The following SAXO1 variants were observed in gnomAD, a reference collection of about 807,000 sequenced individuals.
SAXO1 encodes the protein 4930500O09Rik.
Under a neutral mutation model 17.5 loss-of-function variants are expected in SAXO1, and 21 were observed. The observed-to-expected ratio is 1.20, with a 90% CI of 0.85 to 1.72. The LOEUF (loss-of-function observed/expected upper bound fraction) is 1.72. Among genes scored for constraint, SAXO1 ranks in the 40% most tolerant of loss-of-function variants. The probability of loss-of-function intolerance (pLI) is 0.00; values close to 1 mark genes in which losing one functional copy is unlikely to be tolerated. For synonymous variants in SAXO1, 274 were observed against 216.5 expected (o/e 1.27, Z -2.33); for missense variants, 843 against 596.0 (o/e 1.41, Z -4.32).
chr9:19,032,850 C>T (rs1319138408), intron 1 of SAXO1, 21 bp downstream of exon 1: 7 of 1,608,826 alleles, frequency 4.4e-6, no homozygotes, highest in Non-Finnish European at 5.1e-6. Flanking sequence ...CCCAGCCTTG[C>T]CCTGGGCGTG....
At chr9:18,973,991 C>T (rs1374247882) in intron 1 of SAXO1, among the ~76,000 whole-genome samples, 2 of 152,148 alleles carry the variant, frequency 1.3e-5, no homozygotes, top group Non-Finnish European at 2.9e-5. Flanking sequence ...TCTATCATGT[C>T]CCATCTTCCC....
intron 1 of SAXO1, chr9:19,027,804 C>A: frequency 6.6e-7 from 1 of 1,509,818 alleles, no homozygotes; most frequent in Non-Finnish European, 9.1e-7. Context: ...CAGCCCAACA[C>A]CCAAGTTAAG....
chr9:18,961,015 A>G (rs1832461277), intron 1 of SAXO1, among the ~76,000 whole-genome samples: 1 of 152,166 alleles, frequency 6.6e-6, no homozygotes, highest in African/African-American at 2.4e-5. Flanking sequence ...TGATTTTGTC[A>G]AAACTCAGCA....
intron 3 of SAXO1, among the ~76,000 whole-genome samples, chr9:18,934,049 AAATAATAAT>A (rs67844726): frequency 6.6e-6 from 1 of 151,604 alleles, no homozygotes; most frequent in African/African-American, 2.4e-5. Flanking sequence ...TCCGTCTCAA[AAATAATAAT>A]AATAATAATA....
At chr9:19,027,281 G>A in intron 1 of SAXO1, 1 of 925,366 alleles carries the variant, frequency 1.1e-6, no homozygotes, top group Non-Finnish European at 1.8e-6. Context: ...AAAAGCTAAA[G>A]CCAGGAGACC....
intron 1 of SAXO1, among the ~76,000 whole-genome samples, chr9:19,005,964 C>T (rs1001459093): frequency 3.9e-5 from 6 of 152,090 alleles, no homozygotes; most frequent in South Asian, 4.1e-4. Context: ...AAACAACCCA[C>T]CTTGAGTAGA....
Position 18,978,941 on chromosome 9 carries a change from G to A in SAXO1, c.39-28004C>T, listed in dbSNP as rs557925407. The stretch of plus-strand genomic sequence containing the variant: ...AAAGTTTACTCCAGTTGAAAAATAA[G>A]AAAGACTCCAAGGCCTCAGCATCTT... On this transcript the variant is annotated intron_variant, in intron 1 of 3. Coordinates refer to ENST00000380534, the MANE Select transcript of SAXO1 (RefSeq NM_153707.4). 3.0e-3 allele frequency among the ~76,000 whole-genome samples: 454 copies of A among 152,210 alleles called. 8 individuals are homozygous for A. In the South Asian group the frequency reaches 0.044, roughly 15 times the overall value.
At chr9:18,975,218 GCAGGGAGAGTGCAGGCTGGGGAA>G (rs1441982105) in intron 1 of SAXO1, among the ~76,000 whole-genome samples, 8 of 7,056 alleles carry the variant, frequency 1.1e-3, no homozygotes, top group African/African-American at 3.6e-3. Context: ...GGCTGGGGAA[GCAGGGAGAGTGCAGGCTGGGGAA>G]GCAGGGAGAG....
chr9:19,045,178 C>T (rs1354982194), intron 1 of SAXO1, among the ~76,000 whole-genome samples: 4 of 150,734 alleles, frequency 2.7e-5, no homozygotes, highest in Non-Finnish European at 5.9e-5. Context: ...GGCGCGGTGG[C>T]GGGCGCCTGT....
At chr9:19,016,798 C>A in intron 1 of SAXO1, among the ~76,000 whole-genome samples, 1 of 111,294 alleles carries the variant, frequency 9.0e-6, no homozygotes, top group African/African-American at 3.4e-5. Flanking sequence ...TAACATCTGA[C>A]TTTTTTTTTT....
intron 1 of SAXO1, among the ~76,000 whole-genome samples, chr9:18,975,226 A>G (rs74613595): frequency 2.9e-4 from 2 of 6,998 alleles, no homozygotes; most frequent in African/African-American, 1.1e-3. Flanking sequence ...AAGCAGGGAG[A>G]GTGCAGGCTG....
chr9:18,973,706 G>A (rs1237926698), intron 1 of SAXO1, among the ~76,000 whole-genome samples: 4 of 152,136 alleles, frequency 2.6e-5, no homozygotes, highest in Non-Finnish European at 5.9e-5. Context: ...CCTTTCCTCT[G>A]CAGATTTCCA....
At chr9:19,035,716 G>C (rs112531037), upstream of SAXO1, among the ~76,000 whole-genome samples, 1 of 152,222 alleles carries the variant, frequency 6.6e-6, no homozygotes, top group Non-Finnish European at 1.5e-5. Flanking sequence ...CTCAGATAGA[G>C]ATGAGGAACT....
chr9:19,033,829 G>T (rs967019568), upstream of SAXO1, among the ~76,000 whole-genome samples: 3 of 152,308 alleles, frequency 2.0e-5, no homozygotes, highest in Admixed American at 6.5e-5. Context: ...AGTGTTTCTA[G>T]GGTAGGCCAA....
At chr9:18,936,687 G>A (rs1208019634) in intron 3 of SAXO1, among the ~76,000 whole-genome samples, 1 of 152,034 alleles carries the variant, frequency 6.6e-6, no homozygotes, top group Non-Finnish European at 1.5e-5. Context: ...AGCCCTTCAG[G>A]GCCAGAGTGT....
chr9:19,012,478 G>A (rs1401329831), intron 1 of SAXO1, among the ~76,000 whole-genome samples: 2 of 152,328 alleles, frequency 1.3e-5, no homozygotes, highest in East Asian at 3.9e-4. Context: ...TCAACTTTGT[G>A]GTGTTGGTAT....
chr9:19,034,760 A>G (rs1835892451), upstream of SAXO1, among the ~76,000 whole-genome samples: 1 of 152,238 alleles, frequency 6.6e-6, no homozygotes, highest in Admixed American at 6.5e-5. Context: ...TTGGAAGTCA[A>G]AGCAAAACCT....
chr9:18,977,989 C>A (rs1306901105), intron 1 of SAXO1, among the ~76,000 whole-genome samples: 1 of 88,350 alleles, frequency 1.1e-5, no homozygotes, highest in African/African-American at 5.7e-5. Context: ...GAATGAGACC[C>A]TGCCAAAAAA....
intron 1 of SAXO1, among the ~76,000 whole-genome samples, chr9:18,954,581 C>G (rs1194994123): frequency 6.6e-6 from 1 of 152,158 alleles, no homozygotes; most frequent in Non-Finnish European, 1.5e-5. Flanking sequence ...AAGCAATCCA[C>G]CTACCTCAGC....
Sources: allele counts gnomAD v4.1 joint callset (sites outside exome capture counted in the v4.1 genomes callset), GRCh38; gene constraint gnomAD v4.1.1; transcripts MANE v1.5; gene names NCBI Gene and HGNC (gene_info 2026-07-23, HGNC 2026-07-21).